Variants in FHIT observed in about 807,000 individuals in gnomAD.
FHIT encodes the protein bis(5'-adenosyl)-triphosphatase.
A neutral mutation model predicts 17.9 loss-of-function variants in FHIT; 19 were observed. That is an observed-to-expected ratio of 1.06 (90% CI 0.74 to 1.56). The LOEUF is 1.56. FHIT is among the 40% of genes most tolerant of loss of function. The probability of loss-of-function intolerance (pLI) is 0.00; values close to 1 mark genes in which losing one functional copy is unlikely to be tolerated. For synonymous variants in FHIT, 81 were observed against 69.7 expected, an observed-to-expected ratio of 1.16 and a Z score of -0.81; for missense variants, 248 against 189.2, an observed-to-expected ratio of 1.31 and a Z score of -1.82.
chr3:60,549,117 T>C (rs2036463054), intron 4 of FHIT, among the ~76,000 whole-genome samples: 1 of 152,202 alleles, frequency 6.6e-6, no homozygotes, highest in Admixed American at 6.6e-5. Flanking sequence ...TTTTATTCAA[T>C]AAACAATTGT....
chr3:60,763,500 G>A (rs115733010), intron 4 of FHIT, among the ~76,000 whole-genome samples: 1 of 152,142 alleles, frequency 6.6e-6, no homozygotes, highest in Non-Finnish European at 1.5e-5. Context: ...CCCTGTGAAG[G>A]TAGGTACTAT....
intron 4 of FHIT, among the ~76,000 whole-genome samples, chr3:60,744,268 C>CAAAAAAAAAAAAAAAAAAAAAAAAA (rs374691493): frequency 6.2e-5 from 5 of 80,074 alleles, no homozygotes; most frequent in Admixed American, 1.4e-4. Context: ...CAAAACAAAA[C>CAAAAAAAAAAAAAAAAAAAAAAAAA]AAAAAAAAAA....
At chr3:60,639,801 C>T (rs151188976) in intron 4 of FHIT, among the ~76,000 whole-genome samples, 4 of 152,206 alleles carry the variant, frequency 2.6e-5, no homozygotes, top group African/African-American at 9.6e-5. Flanking sequence ...ACCACTCTAA[C>T]AATTTAATCA....
intron 1 of FHIT, among the ~76,000 whole-genome samples, chr3:61,207,759 C>CA (rs1342573436): frequency 6.6e-6 from 1 of 152,024 alleles, no homozygotes; most frequent in African/African-American, 2.4e-5. Flanking sequence ...TTGATCTTTT[C>CA]AAAAAACCAG....
chr3:59,841,002 G>T (rs1701514339), intron 8 of FHIT, among the ~76,000 whole-genome samples: 1 of 152,112 alleles, frequency 6.6e-6, no homozygotes, highest in Admixed American at 6.5e-5. Flanking sequence ...AGGAACCAAT[G>T]GTGCCCTCAC....
intron 4 of FHIT, among the ~76,000 whole-genome samples, chr3:60,803,278 T>C (rs1483888350): frequency 6.6e-6 from 1 of 152,172 alleles, no homozygotes; most frequent in African/African-American, 2.4e-5. Flanking sequence ...GAGTTGTGTG[T>C]GCAACATGCT....
intron 8 of FHIT, among the ~76,000 whole-genome samples, chr3:59,756,762 T>A (rs1701240917): frequency 6.6e-6 from 1 of 152,116 alleles, no homozygotes; most frequent in African/African-American, 2.4e-5. Context: ...AAGATAAAAT[T>A]CAAGGCCATC....
At chr3:60,633,882 C>T (rs1020924608) in intron 4 of FHIT, among the ~76,000 whole-genome samples, 18 of 152,330 alleles carry the variant, frequency 1.2e-4, no homozygotes, top group Middle Eastern at 3.4e-3. Context: ...AGGTTTCAGA[C>T]CCACGGTGGT....
At chr3:59,956,632 C>T (rs1237269229) in intron 7 of FHIT, among the ~76,000 whole-genome samples, 2 of 152,162 alleles carry the variant, frequency 1.3e-5, no homozygotes, top group East Asian at 1.9e-4. Flanking sequence ...CGCGCCACTG[C>T]ACTCCAGCCT....
chr3:60,761,829 C>T (rs181350582), intron 4 of FHIT, among the ~76,000 whole-genome samples: 7 of 151,854 alleles, frequency 4.6e-5, no homozygotes, highest in South Asian at 4.2e-4. Context: ...TACCAATGCC[C>T]GCCCCCTCCC....
chr3:60,927,359 C>CT (rs1212490456), intron 3 of FHIT, among the ~76,000 whole-genome samples: 131 of 152,360 alleles, frequency 8.6e-4, no homozygotes, highest in African/African-American at 3.1e-3. Flanking sequence ...AGCCGCCTGC[C>CT]TTGGCCTCCC....
intron 5 of FHIT, among the ~76,000 whole-genome samples, chr3:60,206,149 A>AAATAATAATAATAATAATAAT (rs1041282613): frequency 7.0e-4 from 66 of 94,110 alleles, no homozygotes; most frequent in South Asian, 1.2e-3. Context: ...AAAAAAAAAT[A>AAATAATAATAATAATAATAAT]AATAATAATA....
At chr3:59,832,338 C>T (rs1167287331) in intron 8 of FHIT, among the ~76,000 whole-genome samples, 1 of 152,172 alleles carries the variant, frequency 6.6e-6, no homozygotes, top group Non-Finnish European at 1.5e-5. Context: ...TAACTTAACT[C>T]CAACCTCATT....
chr3:59,828,244 C>T (rs1701042742), intron 8 of FHIT, among the ~76,000 whole-genome samples: 1 of 152,142 alleles, frequency 6.6e-6, no homozygotes, highest in African/African-American at 2.4e-5. Context: ...AAATAATCAT[C>T]AGAAACAAGA....
At chr3:60,606,002 C>T (rs1197376344) in intron 4 of FHIT, among the ~76,000 whole-genome samples, 5 of 152,030 alleles carry the variant, frequency 3.3e-5, no homozygotes, top group African/African-American at 4.8e-5. Flanking sequence ...TTATAGAAAC[C>T]AGGGGATGTT....
chr3:60,477,153 C>T (rs2033387681), intron 5 of FHIT, among the ~76,000 whole-genome samples: 1 of 151,884 alleles, frequency 6.6e-6, no homozygotes, highest in Non-Finnish European at 1.5e-5. Flanking sequence ...GTCATTAACC[C>T]ACGGTGAGGA....
intron 1 of FHIT, among the ~76,000 whole-genome samples, chr3:61,227,430 C>A (rs1391878297): frequency 2.0e-5 from 3 of 152,080 alleles, no homozygotes; most frequent in Non-Finnish European, 2.9e-5. Flanking sequence ...TCTAATTTAT[C>A]TTGACTGTAC....
chr3:61,111,603 C>A (rs1222124567), intron 2 of FHIT, among the ~76,000 whole-genome samples: 2 of 152,194 alleles, frequency 1.3e-5, no homozygotes, highest in African/African-American at 2.4e-5. Context: ...TAAGGACTTA[C>A]TAAAGCAATG....
At chr3:59,839,309 C>T (rs375990225) in intron 8 of FHIT, among the ~76,000 whole-genome samples, 4 of 93,814 alleles carry the variant, frequency 4.3e-5, no homozygotes, top group African/African-American at 1.4e-4. Flanking sequence ...CAGAGCGAGA[C>T]TTCATTTTCA....
Sources: gnomAD v4.1 joint callset for allele counts (sites outside exome capture counted in the v4.1 genomes callset) on GRCh38, gnomAD v4.1.1 for gene constraint, MANE v1.5 for transcripts, NCBI Gene and HGNC (gene_info 2026-07-23, HGNC 2026-07-21) for gene names.